The following CCDC102B variants were observed in gnomAD, a reference collection of about 807,000 sequenced individuals.
The protein encoded by CCDC102B is coiled-coil domain containing 102B.
A neutral mutation model predicts 57.4 loss-of-function variants in CCDC102B; 75 were observed. The ratio of observed to expected loss-of-function variants is 1.31; its 90% CI spans 1.08 to 1.58. The LOEUF (loss-of-function observed/expected upper bound fraction) is 1.58, where lower values mean the gene tolerates loss of function less well. Ranked by LOEUF, CCDC102B falls within the 40% of genes most tolerant of loss-of-function variation. CCDC102B has a pLI of 0.00. For synonymous variants in CCDC102B, 206 were observed against 201.9 expected (o/e 1.02, Z -0.17); for missense variants, 636 against 582.6 (o/e 1.09, Z -0.94).
chr18:68,899,141 C>T (rs576140426), intron 6 of CCDC102B, among the ~76,000 whole-genome samples: 1 of 151,918 alleles, frequency 6.6e-6, no homozygotes, highest in African/African-American at 2.4e-5. Flanking sequence ...TTTTTATCCT[C>T]TTCATTACAA....
At chr18:69,029,285 A>C (rs1476185635) in intron 7 of CCDC102B, among the ~76,000 whole-genome samples, 2 of 152,182 alleles carry the variant, frequency 1.3e-5, no homozygotes, top group Non-Finnish European at 2.9e-5. Flanking sequence ...ATGTGTCAGA[A>C]CTTGTCCTCT....
At chr18:68,769,254 GAA>G (rs35451609) in intron 2 of CCDC102B, among the ~76,000 whole-genome samples, 5 of 116,408 alleles carry the variant, frequency 4.3e-5, no homozygotes, top group Non-Finnish European at 7.4e-5. Flanking sequence ...ACTCCACCTC[GAA>G]AAAAAAAAAA....
intron 2 of CCDC102B, among the ~76,000 whole-genome samples, chr18:68,731,075 C>A (rs2032839299): frequency 6.6e-6 from 1 of 152,138 alleles, no homozygotes; most frequent in Non-Finnish European, 1.5e-5. Flanking sequence ...CAACTTCTGC[C>A]TCCCGGGATC....
At chr18:68,986,409 T>C (rs1373325258) in intron 6 of CCDC102B, among the ~76,000 whole-genome samples, 1 of 152,166 alleles carries the variant, frequency 6.6e-6, no homozygotes, top group East Asian at 1.9e-4. Context: ...ATCGTCTCAA[T>C]TGATTCAGGA....
At chr18:68,924,060 A>C (rs113243243) in intron 6 of CCDC102B, among the ~76,000 whole-genome samples, 1 of 152,048 alleles carries the variant, frequency 6.6e-6, no homozygotes, top group African/African-American at 2.4e-5. Context: ...TGCCTATGTT[A>C]CTACAATATG....
intron 6 of CCDC102B, among the ~76,000 whole-genome samples, chr18:68,942,860 C>A (rs12956815): frequency 2.2e-5 from 3 of 136,042 alleles, no homozygotes; most frequent in East Asian, 2.2e-4. Context: ...TCCCTTCCCA[C>A]GAGGCCATGT....
rs573890723 is a variant in CCDC102B at position 68,952,439 on chromosome 18, G to T, written c.1263+55011G>T. Among the ~76,000 whole-genome samples the T allele has an allele frequency of 2.6e-5, 4 of 152,094 alleles. No homozygotes were observed. In the East Asian group the frequency reaches 5.8e-4, roughly 22 times the overall value. ...ACCCAATCATTTTGAATAAGAAATTGGCAAGAATGAGAAGAAATAGGTTAT... is the reference window on the plus strand; with the variant it reads ...ACCCAATCATTTTGAATAAGAAATTTGCAAGAATGAGAAGAAATAGGTTAT... On this transcript the variant is annotated intron_variant, in intron 6 of 7. Coordinates refer to ENST00000360242, the MANE Select transcript of CCDC102B (RefSeq NM_024781.3).
chr18:68,733,014 G>A (rs1471176512), intron 2 of CCDC102B, among the ~76,000 whole-genome samples: 1 of 152,056 alleles, frequency 6.6e-6, no homozygotes, highest in Non-Finnish European at 1.5e-5. Context: ...AAAGTTGGTG[G>A]GGAAGGTTAT....
intron 7 of CCDC102B, among the ~76,000 whole-genome samples, chr18:69,052,318 T>G (rs920254967): frequency 6.6e-6 from 1 of 152,048 alleles, no homozygotes; most frequent in Non-Finnish European, 1.5e-5. Flanking sequence ...AAAATGTGAT[T>G]AAACTGGATC....
intron 4 of CCDC102B, among the ~76,000 whole-genome samples, chr18:68,850,447 T>C (rs1215086313): frequency 3.3e-5 from 5 of 152,006 alleles, no homozygotes; most frequent in African/African-American, 7.3e-5. Flanking sequence ...TCTCAAGATA[T>C]ATATTTCCCA....
At chr18:68,895,551 A>G (rs539246161) in intron 5 of CCDC102B, among the ~76,000 whole-genome samples, 171 of 151,920 alleles carry the variant, frequency 1.1e-3, no homozygotes, top group East Asian at 1.7e-3. Context: ...AAGCCATTAT[A>G]ATCAACAATG....
intron 1 of CCDC102B, among the ~76,000 whole-genome samples, chr18:68,826,375 C>T (rs541811453): frequency 6.6e-6 from 1 of 152,146 alleles, no homozygotes; most frequent in Non-Finnish European, 1.5e-5. Flanking sequence ...TTCCTTGCCA[C>T]GTGGGCCTCT....
intron 2 of CCDC102B, among the ~76,000 whole-genome samples, chr18:68,758,050 T>C (rs1209474449): frequency 6.6e-6 from 1 of 152,094 alleles, no homozygotes; most frequent in Non-Finnish European, 1.5e-5. Context: ...TATGAATATA[T>C]TACAAGCTAT....
chr18:68,959,221 G>C lies in CCDC102B; in HGVS notation c.1264-51713G>C, dbSNP rs927213756. On this transcript the variant is annotated intron_variant, in intron 6 of 7. Transcript: ENST00000360242. Reference sequence around the variant, plus strand: ...GTCACTACAGTCATATCTGCTTTAGGGGGTATCCCAAATCCAGTAACACTG... The same window carrying C: ...GTCACTACAGTCATATCTGCTTTAGCGGGTATCCCAAATCCAGTAACACTG... Among the ~76,000 whole-genome samples the C allele has an allele frequency of 7.9e-5, 12 of 152,250 alleles. No individual in the cohort carries two copies. In the South Asian group the frequency reaches 8.3e-4, roughly 11 times the overall value.
intron 6 of CCDC102B, among the ~76,000 whole-genome samples, chr18:68,917,360 AG>A (rs2041111019): frequency 6.6e-6 from 1 of 152,072 alleles, no homozygotes; most frequent in South Asian, 2.1e-4. Flanking sequence ...GAGCCTGGGG[AG>A]TAGCTGTGCT....
chr18:68,847,710 A>T (rs2037936902), intron 4 of CCDC102B, among the ~76,000 whole-genome samples: 1 of 151,850 alleles, frequency 6.6e-6, no homozygotes, highest in African/African-American at 2.4e-5. Context: ...GTATTAATAC[A>T]TATATGATGC....
intron 6 of CCDC102B, among the ~76,000 whole-genome samples, chr18:68,950,243 A>C (rs1472282938): frequency 1.3e-5 from 2 of 152,122 alleles, no homozygotes; most frequent in Non-Finnish European, 2.9e-5. Context: ...AAGAACTTCC[A>C]AATGTATAGA....
chr18:69,035,354 T>G (rs2052261073), intron 7 of CCDC102B, among the ~76,000 whole-genome samples: 1 of 152,042 alleles, frequency 6.6e-6, no homozygotes, highest in Non-Finnish European at 1.5e-5. Context: ...TCCTGTGAAA[T>G]TCAATGGTTT....
At chr18:68,878,646 T>A (rs1253064253) in intron 5 of CCDC102B, among the ~76,000 whole-genome samples, 1 of 152,030 alleles carries the variant, frequency 6.6e-6, no homozygotes, top group Non-Finnish European at 1.5e-5. Context: ...AGAAAGCAGG[T>A]CCGCACCAGG....
Sources: allele counts gnomAD v4.1 joint callset (sites outside exome capture counted in the v4.1 genomes callset), GRCh38; gene constraint gnomAD v4.1.1; transcripts MANE v1.5; gene names NCBI Gene and HGNC (gene_info 2026-07-23, HGNC 2026-07-21).